Variants in SLC5A6 observed in about 807,000 individuals in gnomAD.
SLC5A6 encodes sodium-dependent multivitamin transporter.
SLC5A6 carries 31 observed loss-of-function variants against 67.9 expected under a neutral mutation model. That is an observed-to-expected ratio of 0.46 (90% CI 0.34 to 0.62). The LOEUF (loss-of-function observed/expected upper bound fraction) is 0.62. Among genes scored for constraint, SLC5A6 ranks in the 20% least tolerant of loss-of-function variants. The pLI is 0.01. For missense variants in SLC5A6, 673 were observed against 812.8 expected, an observed-to-expected ratio of 0.83 and a Z score of 2.09; for synonymous variants, 343 against 331.0, an observed-to-expected ratio of 1.04 and a Z score of -0.39.
chr2:27,200,347 G>A lies in SLC5A6; in HGVS notation c.*89C>T, dbSNP rs779267162. 5.0e-5 allele frequency: 67 copies of A among 1,352,172 alleles called. No homozygotes were observed. Among genetic ancestry groups the A allele is most frequent in the Middle Eastern group, 1.9e-4 (1 of 5,156 alleles). 83.8% of individuals were successfully genotyped at this position (1,352,172 alleles called of 1,614,324 possible). A position where few individuals can be genotyped will look rare whatever the true frequency, so the allele number is the denominator to read the frequency against. On this transcript the variant is annotated 3_prime_UTR_variant, in exon 17 of 17. Transcript: ENST00000310574. Reference sequence around the variant, plus strand: ...TAGATCATCCAGGCCTGTCCCTGCAGAACACACCAAGACTCATCCCTGTAC... The same window carrying A: ...TAGATCATCCAGGCCTGTCCCTGCAAAACACACCAAGACTCATCCCTGTAC...
intron 6 of SLC5A6, 72 bp from the exon 7 acceptor site, chr2:27,205,576 T>C: frequency 5.8e-6 from 9 of 1,550,250 alleles, no homozygotes; most frequent in African/African-American, 1.4e-5. Flanking sequence ...CCTTATTTTG[T>C]TGTTGCTCCA....
rs764848270 is a variant in SLC5A6 at position 27,201,017 on chromosome 2, T to C, written c.1745A>G (p.His582Arg). ...LLPLSCQKRL[H>R]CRSYGQDHLD... is the part of the protein sequence containing the mutation. ...TACTACCTGGCCGTAGCTCCTGCAG[T>C]GGAGCCGCTTCTGACAGGACAACGG... The change falls in exon 16 of 17, where the codon CAC (histidine) becomes CGC (arginine). Residue 582 changes from histidine to arginine, a missense_variant. Coordinates refer to ENST00000310574, the MANE Select transcript of SLC5A6 (RefSeq NM_021095.4). The C allele has an allele frequency of 1.9e-6, 3 of 1,612,198 alleles. No individual in the cohort carries two copies. Among genetic ancestry groups the C allele is most frequent in the Admixed American group, 1.7e-5 (1 of 59,882 alleles).
Position 27,212,205 on chromosome 2 carries a change from T to G in SLC5A6, c.-393A>C. On this transcript the variant is annotated 5_prime_UTR_variant, in exon 1 of 17. The change abolishes an upstream ATG in the 5' untranslated region. Coordinates refer to ENST00000310574, the MANE Select transcript of SLC5A6 (RefSeq NM_021095.4). ...ATCCCCGAAAGAGGGCTAGGGCGCA[T>G]GAAGACCAGCGCAGAGCTCCACGAG... 1.9e-6 allele frequency: 3 copies of G among 1,555,460 alleles called. No individual in the cohort carries two copies. Among genetic ancestry groups the G allele is most frequent in the Non-Finnish European group, 1.7e-6 (2 of 1,150,138 alleles).
intron 12 of SLC5A6, 70 bp from the exon 13 acceptor site, chr2:27,202,144 C>G: frequency 2.8e-6 from 3 of 1,075,716 alleles, no homozygotes; most frequent in Non-Finnish European, 4.3e-6. Flanking sequence ...CACCATAAAG[C>G]ATAGCCACCA....
Position 27,203,342 on chromosome 2 carries a change from A to C in SLC5A6, c.1098T>G (p.Thr366=). Residue 366 remains threonine (T), a synonymous_variant, in exon 11 of 17, where the codon ACT becomes ACG. Transcript: ENST00000310574. ...CCAATGAATTAAAAGCAGAGGATATAGTGCTGAAAAAGAGGAAGAGGATGA... is the reference window on the plus strand; with the variant it reads ...CCAATGAATTAAAAGCAGAGGATATCGTGCTGAAAAAGAGGAAGAGGATGA... The part of the protein sequence containing the change: ...IACLFSGSLS[T]ISSAFNSLAT... The C allele has an allele frequency of 6.2e-7, 1 of 1,614,046 alleles. No individual in the cohort carries two copies. Among genetic ancestry groups the C allele is most frequent in the East Asian group, 2.2e-5 (1 of 44,864 alleles).
At chr2:27,205,586 A>ATTTTG (rs894080784) in intron 6 of SLC5A6, 82 bp from the exon 7 acceptor site, 48 of 1,533,626 alleles carry the variant, frequency 3.1e-5, no homozygotes, top group Admixed American at 2.2e-4. Flanking sequence ...TTGTTGCTCC[A>ATTTTG]TTTTGTTTTG....
Position 27,201,344 on chromosome 2 carries a change from C to T in SLC5A6, c.1648+6G>A. Reference sequence around the variant, plus strand: ...GCTCATCTGCACCGCAATCCCACACCCTTACCAGTGAGTAGACTGACAATC... The same window carrying T: ...GCTCATCTGCACCGCAATCCCACACTCTTACCAGTGAGTAGACTGACAATC... On this transcript the variant is annotated splice_donor_region_variant and intron_variant, in intron 15 of 16. Transcript: ENST00000310574. The T allele has an allele frequency of 1.3e-6, 2 of 1,587,188 alleles. No individual in the cohort carries two copies. Among genetic ancestry groups the T allele is most frequent in the Non-Finnish European group, 1.7e-6 (2 of 1,155,594 alleles).
intron 6 of SLC5A6, 60 bp downstream of exon 6, chr2:27,205,966 C>A: frequency 1.6e-6 from 2 of 1,260,096 alleles, no homozygotes; most frequent in South Asian, 2.4e-5. Flanking sequence ...TCCTTCTCTT[C>A]CCATGTCCCC....
Position 27,205,322 on chromosome 2 carries a change from C to A in SLC5A6, c.734+28G>T, listed in dbSNP as rs192739253. 5.9e-5 allele frequency: 95 copies of A among 1,610,018 alleles called. 1 individual carries two copies. The African/African-American group carries it at 9.9e-4, about 17-fold the overall frequency. ...GGGCTCAGCGCCCAGGCACTGCAGA[C>A]CCCAGCCAGGAGTAGGGGTATACTT... On this transcript the variant is annotated intron_variant, in intron 7 of 16. Transcript: ENST00000310574.
chr2:27,204,783 G>A lies in SLC5A6; in HGVS notation c.875+8C>T. The stretch of plus-strand genomic sequence containing the variant: ...CTTGCTCCACTCCCTTCCTGTCCCT[G>A]CACTCACAGCACAGCAGCCTTCTCC... On this transcript the variant is annotated splice_region_variant and intron_variant, in intron 8 of 16. Coordinates refer to ENST00000310574, the MANE Select transcript of SLC5A6 (RefSeq NM_021095.4). 1 of 1,614,002 alleles carries A rather than the reference G, an allele frequency of 6.2e-7. No individual in the cohort carries two copies. The highest frequency in any genetic ancestry group is 1.3e-5 in the African/African-American group (1 of 74,998).
intron 10 of SLC5A6, 32 bp from the exon 11 acceptor site, chr2:27,203,377 C>T (rs762554703): frequency 1.2e-5 from 20 of 1,605,626 alleles, no homozygotes; most frequent in Middle Eastern, 1.6e-4. Flanking sequence ...AGGAGTTGAG[C>T]GAGGCAAAAT....
chr2:27,206,137 C>A (rs376809592), intron 5 of SLC5A6, 44 bp from the exon 6 acceptor site: 6 of 1,569,676 alleles, frequency 3.8e-6, no homozygotes, highest in Non-Finnish European at 5.3e-6. Context: ...AAAAGGGTTC[C>A]CCAGGGGAGA....
At chr2:27,202,662 G>C (rs1673745267) in intron 12 of SLC5A6, 151 bp downstream of exon 12, 8 of 755,116 alleles carry the variant, frequency 1.1e-5, no homozygotes, top group Non-Finnish European at 1.9e-5. Flanking sequence ...CTGCTTGCAA[G>C]TCTGTTCACA....
rs1673793494 is a variant in SLC5A6 at position 27,203,344 on chromosome 2, T to C, written c.1096A>G (p.Thr366Ala). The change falls in exon 11 of 17, where the codon ACT (threonine) becomes GCT (alanine). Residue 366 changes from threonine (T) to alanine (A), a missense_variant and splice_region_variant. Physicochemically the swap from Thr to Ala is moderately conservative, Grantham distance 58. Coordinates refer to ENST00000310574, the MANE Select transcript of SLC5A6 (RefSeq NM_021095.4). ...AATGAATTAAAAGCAGAGGATATAG[T>C]GCTGAAAAAGAGGAAGAGGATGAGG... ...IACLFSGSLS[T>A]ISSAFNSLAT... 6.2e-6 allele frequency: 10 copies of C among 1,613,840 alleles called. No homozygotes were observed. Among genetic ancestry groups the C allele is most frequent in the Non-Finnish European group, 8.5e-6 (10 of 1,179,912 alleles).
intron 7 of SLC5A6, 123 bp downstream of exon 7, chr2:27,205,227 T>G: frequency 1.0e-6 from 1 of 977,338 alleles, no homozygotes; most frequent in Non-Finnish European, 1.5e-6. Flanking sequence ...AGTTTCCCAC[T>G]GTCTGCTGTT....
intron 15 of SLC5A6, 83 bp from the exon 16 acceptor site, chr2:27,201,196 C>T: frequency 2.7e-6 from 3 of 1,112,786 alleles, no homozygotes; most frequent in South Asian, 1.4e-5. Flanking sequence ...CCCCAGAGAC[C>T]CCAGCCCCCA....
intron 12 of SLC5A6, 151 bp from the exon 13 acceptor site, chr2:27,202,225 C>T (rs1673699050): frequency 4.3e-6 from 3 of 690,320 alleles, no homozygotes; most frequent in South Asian, 1.6e-5. Context: ...CAGAGGTGGC[C>T]GAGCGGTGGC....
chr2:27,205,970 T>A, intron 6 of SLC5A6, 56 bp downstream of exon 6: 1 of 1,282,914 alleles, frequency 7.8e-7, no homozygotes, highest in Non-Finnish European at 1.1e-6. Flanking sequence ...TCTCTTCCCA[T>A]GTCCCCTCCT....
Position 27,203,305 on chromosome 2 carries a change from T to C in SLC5A6, c.1135A>G (p.Met379Val). 6.2e-7 allele frequency: 1 copy of C among 1,614,004 alleles called. No homozygotes were observed. Among genetic ancestry groups the C allele is most frequent in the Non-Finnish European group, 8.5e-7 (1 of 1,180,006 alleles). ...AACCAAGGTCGAATCAGGTCTTCCATCGTAACAGTTGCCAATGAATTAAAA... is the reference window on the plus strand; with the variant it reads ...AACCAAGGTCGAATCAGGTCTTCCACCGTAACAGTTGCCAATGAATTAAAA... ...SAFNSLATVT[M>V]EDLIRPWFPE... is the part of the protein sequence containing the mutation. Residue 379 changes from methionine to valine, a missense_variant, in exon 11 of 17, where the codon ATG becomes GTG. Transcript: ENST00000310574.
Sources: gnomAD v4.1 joint callset for allele counts on GRCh38, gnomAD v4.1.1 for gene constraint, MANE v1.5 for transcripts, NCBI Gene and HGNC (gene_info 2026-07-23, HGNC 2026-07-21) for gene names.